KCNQ5: variants seen among roughly 807,000 people sequenced by gnomAD.
The protein encoded by KCNQ5 is potassium voltage-gated channel subfamily Q member 5, also known as potassium voltage-gated channel subfamily KQT member 5.
KCNQ5 carries 30 observed loss-of-function variants against 98.2 expected under a neutral mutation model. The observed-to-expected ratio is 0.31, with a 90% CI of 0.23 to 0.41. KCNQ5 has a LOEUF of 0.41. Among genes scored for constraint, KCNQ5 ranks in the 10% least tolerant of loss-of-function variants. The pLI is 1.00. For synonymous variants in KCNQ5, 458 were observed against 449.4 expected, an observed-to-expected ratio of 1.02 and a Z score of -0.24; for missense variants, 835 against 1,182.5, an observed-to-expected ratio of 0.71 and a Z score of 4.31.
chr6:73,173,968 T>C (rs983758102), intron 11 of KCNQ5, among the ~76,000 whole-genome samples: 2 of 152,178 alleles, frequency 1.3e-5, no homozygotes, highest in Non-Finnish European at 2.9e-5. Flanking sequence ...AAGTACTGTG[T>C]AAAGGATTCA....
intron 1 of KCNQ5, among the ~76,000 whole-genome samples, chr6:72,984,580 G>T (rs1162835479): frequency 6.6e-6 from 1 of 152,166 alleles, no homozygotes; most frequent in Non-Finnish European, 1.5e-5. Context: ...CCTAGTATTG[G>T]GGTGGCAGTG....
At chr6:72,871,755 T>A (rs1373040581) in intron 1 of KCNQ5, among the ~76,000 whole-genome samples, 1 of 152,140 alleles carries the variant, frequency 6.6e-6, no homozygotes. Context: ...GTACTCTGAC[T>A]CTGTACATAA....
chr6:73,050,699 A>G (rs980937623), intron 3 of KCNQ5, among the ~76,000 whole-genome samples: 1 of 152,114 alleles, frequency 6.6e-6, no homozygotes, highest in Non-Finnish European at 1.5e-5. Context: ...CCCTAAATAA[A>G]CTTGGAATGA....
intron 9 of KCNQ5, among the ~76,000 whole-genome samples, chr6:73,130,023 G>A (rs60176558): frequency 0.027 from 4,069 of 152,308 alleles, 89 homozygotes; most frequent in East Asian, 0.1. Flanking sequence ...CCTGTTGCCT[G>A]CTTTGATACT....
intron 1 of KCNQ5, among the ~76,000 whole-genome samples, chr6:72,831,095 A>G (rs1217872911): frequency 6.6e-6 from 1 of 152,182 alleles, no homozygotes; most frequent in African/African-American, 2.4e-5. Flanking sequence ...GCTGGAGAGG[A>G]CGTGGAGAAA....
intron 1 of KCNQ5, among the ~76,000 whole-genome samples, chr6:72,742,048 T>C (rs1771155317): frequency 6.6e-6 from 1 of 152,208 alleles, no homozygotes; most frequent in African/African-American, 2.4e-5. Flanking sequence ...CCACTGGCTG[T>C]CAACTGCCTT....
At chr6:72,719,144 T>C (rs914205315) in intron 1 of KCNQ5, among the ~76,000 whole-genome samples, 2 of 152,220 alleles carry the variant, frequency 1.3e-5, no homozygotes, top group African/African-American at 2.4e-5. Context: ...GGAAAAATTC[T>C]AATCTTGCCC....
At chr6:72,665,665 A>G (rs1469955091) in intron 1 of KCNQ5, among the ~76,000 whole-genome samples, 1 of 152,086 alleles carries the variant, frequency 6.6e-6, no homozygotes, top group Non-Finnish European at 1.5e-5. Context: ...ATATAACTAT[A>G]TTTTTCATGG....
chr6:73,109,801 C>T (rs1229368625), intron 6 of KCNQ5, among the ~76,000 whole-genome samples: 1 of 152,218 alleles, frequency 6.6e-6, no homozygotes, highest in East Asian at 1.9e-4. Flanking sequence ...GATGTAATTT[C>T]TAATTTCATA....
At chr6:72,897,350 G>C (rs1779294462) in intron 1 of KCNQ5, among the ~76,000 whole-genome samples, 1 of 152,076 alleles carries the variant, frequency 6.6e-6, no homozygotes. Context: ...AGACCAGCCT[G>C]CCAATATGGT....
intron 1 of KCNQ5, among the ~76,000 whole-genome samples, chr6:73,000,426 A>G (rs985848018): frequency 3.9e-5 from 6 of 152,202 alleles, no homozygotes; most frequent in Admixed American, 1.3e-4. Context: ...CTTGGTCTGC[A>G]CTGTCAGGAT....
intron 1 of KCNQ5, among the ~76,000 whole-genome samples, chr6:72,996,648 T>G (rs1466703065): frequency 6.6e-6 from 1 of 152,198 alleles, no homozygotes; most frequent in Non-Finnish European, 1.5e-5. Flanking sequence ...AACCAAACTT[T>G]TGCTGTAGCT....
intron 10 of KCNQ5, chr6:73,158,103 T>C: frequency 2.1e-6 from 1 of 466,428 alleles, no homozygotes; most frequent in Non-Finnish European, 4.0e-6. Flanking sequence ...GTACAGGTGC[T>C]GCCGCCGCGC....
chr6:73,125,872 G>C (rs1011205715), intron 9 of KCNQ5, among the ~76,000 whole-genome samples: 2 of 150,532 alleles, frequency 1.3e-5, no homozygotes, highest in African/African-American at 4.9e-5. Context: ...GATATTCCTT[G>C]GAGATATTTC....
chr6:72,949,525 T>C (rs1052278820), intron 1 of KCNQ5, among the ~76,000 whole-genome samples: 8 of 152,240 alleles, frequency 5.3e-5, no homozygotes, highest in Non-Finnish European at 1.2e-4. Flanking sequence ...ATACTCCATA[T>C]GCATATTGTA....
At chr6:73,060,103 C>A (rs1334796856) in intron 3 of KCNQ5, among the ~76,000 whole-genome samples, 1 of 152,016 alleles carries the variant, frequency 6.6e-6, no homozygotes, top group African/African-American at 2.4e-5. Flanking sequence ...ATTCATGGTT[C>A]TAATGTGATC....
intron 1 of KCNQ5, among the ~76,000 whole-genome samples, chr6:72,636,444 G>A (rs182712839): frequency 1.1e-3 from 166 of 152,270 alleles, no homozygotes; most frequent in African/African-American, 3.8e-3. Flanking sequence ...GGTTGAAAAT[G>A]TTTCCAAAGC....
At chr6:72,670,465 T>G (rs1200987078) in intron 1 of KCNQ5, among the ~76,000 whole-genome samples, 2 of 152,062 alleles carry the variant, frequency 1.3e-5, no homozygotes, top group African/African-American at 4.8e-5. Context: ...ACTTTTAGGG[T>G]TTTTGTTTTT....
At chr6:72,725,586 T>C (rs1561944001) in intron 1 of KCNQ5, among the ~76,000 whole-genome samples, 1 of 152,108 alleles carries the variant, frequency 6.6e-6, no homozygotes, top group Non-Finnish European at 1.5e-5. Context: ...GCAAGAGGAA[T>C]AAGCTTTAGT....
Sources: allele counts gnomAD v4.1 joint callset (sites outside exome capture counted in the v4.1 genomes callset), GRCh38; gene constraint gnomAD v4.1.1; transcripts MANE v1.5; gene names NCBI Gene and HGNC (gene_info 2026-07-23, HGNC 2026-07-21).